Variants in LINGO2 observed in about 807,000 individuals in gnomAD.
The protein encoded by LINGO2 is leucine rich repeat and Ig domain containing 2.
LINGO2 carries 14 observed loss-of-function variants against 30.6 expected under a neutral mutation model. The observed-to-expected ratio is 0.46, with a 90% CI of 0.30 to 0.72. The LOEUF (loss-of-function observed/expected upper bound fraction) is 0.72. LINGO2 is among the 30% of genes least tolerant of loss of function. The pLI is 0.07. For missense variants in LINGO2, 729 were observed against 751.7 expected, an observed-to-expected ratio of 0.97 and a Z score of 0.35; for synonymous variants, 317 against 288.5, an observed-to-expected ratio of 1.10 and a Z score of -1.00.
At chr9:28,769,514 ATATATTTTTTTTTTTT>A in the LINGO2 span, among the ~76,000 whole-genome samples, 1 of 2,014 alleles carries the variant, frequency 5.0e-4, no homozygotes, top group African/African-American at 1.4e-3. Context: ...ATATATATAT[ATATATTTTTTTTTTTT>A]TTTTTTTTTT....
At chr9:28,716,132 T>C in the LINGO2 span, among the ~76,000 whole-genome samples, 24 of 151,962 alleles carry the variant, frequency 1.6e-4, no homozygotes, top group African/African-American at 5.5e-4. Flanking sequence ...TTCTGTACAC[T>C]TAAAATGCCT....
the LINGO2 span, among the ~76,000 whole-genome samples, chr9:29,106,889 G>C: frequency 7.9e-5 from 12 of 152,114 alleles, no homozygotes; most frequent in Admixed American, 6.6e-5. Flanking sequence ...AGATCTGTTG[G>C]CTCTAAGGCT....
At chr9:28,864,496 T>C in the LINGO2 span, among the ~76,000 whole-genome samples, 1 of 152,018 alleles carries the variant, frequency 6.6e-6, no homozygotes, top group Admixed American at 6.6e-5. Flanking sequence ...AAAAGAAAGG[T>C]TTCATTTATA....
the LINGO2 span, among the ~76,000 whole-genome samples, chr9:28,696,165 CT>C: frequency 6.6e-6 from 1 of 151,794 alleles, no homozygotes. Flanking sequence ...AGAATATTTT[CT>C]TCTGTTGTCA....
At chr9:28,480,099 T>C (rs1447183561) in intron 1 of LINGO2, among the ~76,000 whole-genome samples, 4 of 151,474 alleles carry the variant, frequency 2.6e-5, no homozygotes, top group African/African-American at 9.7e-5. Context: ...GAGTTGCTAT[T>C]ATAATCATTG....
the LINGO2 span, among the ~76,000 whole-genome samples, chr9:28,844,925 G>C: frequency 2.0e-5 from 3 of 151,874 alleles, no homozygotes; most frequent in Non-Finnish European, 4.4e-5. Context: ...TCTGAACACA[G>C]TTTTATTGTT....
intron 1 of LINGO2, among the ~76,000 whole-genome samples, chr9:28,498,050 A>G (rs1202037786): frequency 6.6e-6 from 1 of 152,078 alleles, no homozygotes; most frequent in African/African-American, 2.4e-5. Flanking sequence ...TGGCCATGTG[A>G]GGTGTCAGTC....
the LINGO2 span, among the ~76,000 whole-genome samples, chr9:29,100,886 A>C: frequency 9.2e-5 from 14 of 152,288 alleles, no homozygotes; most frequent in African/African-American, 2.4e-4. Context: ...CACAAAAATT[A>C]AAAATTAAGA....
At chr9:28,372,763 A>T (rs1029924407) in intron 3 of LINGO2, 73 bp downstream of exon 5, 1 of 152,588 alleles carries the variant, frequency 6.6e-6, no homozygotes, top group Admixed American at 6.5e-5. Flanking sequence ...AAACTATAAC[A>T]TTAGTTTTTA....
the LINGO2 span, among the ~76,000 whole-genome samples, chr9:28,913,941 T>C: frequency 1.3e-5 from 2 of 152,204 alleles, no homozygotes; most frequent in African/African-American, 4.8e-5. Context: ...GTATACATGA[T>C]AGTCACTATC....
intron 4 of LINGO2, among the ~76,000 whole-genome samples, chr9:28,032,859 G>C (rs1823750299): frequency 6.6e-6 from 1 of 152,208 alleles, no homozygotes; most frequent in South Asian, 2.1e-4. Flanking sequence ...TACAACAGAA[G>C]GGATACAATT....
At chr9:28,048,585 T>TA (rs1824528695) in intron 4 of LINGO2, among the ~76,000 whole-genome samples, 1 of 150,818 alleles carries the variant, frequency 6.6e-6, no homozygotes, top group South Asian at 2.1e-4. Flanking sequence ...TTTTGGACAG[T>TA]AATTAAGCAT....
intron 4 of LINGO2, among the ~76,000 whole-genome samples, chr9:28,179,652 T>A (rs539197394): frequency 7.7e-6 from 1 of 130,272 alleles, no homozygotes; most frequent in Non-Finnish European, 1.6e-5. Context: ...TACTGTAGTG[T>A]ATATATACTA....
intron 2 of LINGO2, among the ~76,000 whole-genome samples, chr9:28,388,154 C>A (rs1314403456): frequency 6.6e-6 from 1 of 152,174 alleles, no homozygotes; most frequent in Non-Finnish European, 1.5e-5. Context: ...TCCTACTTTG[C>A]ATGTTTTTAA....
chr9:28,993,679 G>A, the LINGO2 span, among the ~76,000 whole-genome samples: 1 of 150,242 alleles, frequency 6.7e-6, no homozygotes, highest in African/African-American at 2.4e-5. Context: ...TGATCAAGTG[G>A]GCATCATCCC....
intron 3 of LINGO2, among the ~76,000 whole-genome samples, chr9:28,346,501 G>A (rs1173525174): frequency 1.3e-5 from 2 of 152,098 alleles, no homozygotes; most frequent in Admixed American, 6.6e-5. Flanking sequence ...ATGAACATAC[G>A]TGTGCATGTG....
chr9:28,267,392 A>T (rs1414434844), intron 4 of LINGO2, among the ~76,000 whole-genome samples: 1 of 151,996 alleles, frequency 6.6e-6, no homozygotes, highest in Non-Finnish European at 1.5e-5. Context: ...CAATAAAATA[A>T]ACTTCTAATC....
chr9:28,995,302 A>G, the LINGO2 span, among the ~76,000 whole-genome samples: 2 of 152,228 alleles, frequency 1.3e-5, no homozygotes, highest in African/African-American at 2.4e-5. Context: ...GAGAAATGCA[A>G]ATCAAAACCA....
At chr9:28,446,558 T>C (rs1226966786) in intron 2 of LINGO2, among the ~76,000 whole-genome samples, 1 of 152,210 alleles carries the variant, frequency 6.6e-6, no homozygotes, top group Non-Finnish European at 1.5e-5. Flanking sequence ...TACTAAGTCT[T>C]ATAATTTCTA....
Sources: allele counts gnomAD v4.1 joint callset (sites outside exome capture counted in the v4.1 genomes callset), GRCh38; gene constraint gnomAD v4.1.1; transcripts MANE v1.5; gene names NCBI Gene and HGNC (gene_info 2026-07-23, HGNC 2026-07-21).